SYT17: variants seen among roughly 807,000 people sequenced by gnomAD.
SYT17 encodes the protein synaptotagmin-17.
SYT17 carries 22 observed loss-of-function variants against 46.7 expected under a neutral mutation model. The observed-to-expected ratio is 0.47, with a 90% CI of 0.34 to 0.67. The LOEUF is 0.67. Ranked by LOEUF, SYT17 falls within the 30% of genes least tolerant of loss-of-function variation. SYT17 has a pLI of 0.01. For synonymous variants in SYT17, 251 were observed against 248.4 expected, an observed-to-expected ratio of 1.01 and a Z score of -0.10; for missense variants, 519 against 612.8, an observed-to-expected ratio of 0.85 and a Z score of 1.62.
chr16:19,203,596 G>A (rs1965552339), intron 5 of SYT17, among the ~76,000 whole-genome samples: 1 of 152,224 alleles, frequency 6.6e-6, no homozygotes, highest in Non-Finnish European at 1.5e-5. Flanking sequence ...TTGGATCTTG[G>A]GGATAAAGTG....
At chr16:19,235,434 A>G (rs946041946) in intron 7 of SYT17, among the ~76,000 whole-genome samples, 1 of 152,232 alleles carries the variant, frequency 6.6e-6, no homozygotes, top group Non-Finnish European at 1.5e-5. Context: ...TGTAGCCTGA[A>G]CTTTTCCATG....
intron 7 of SYT17, among the ~76,000 whole-genome samples, chr16:19,255,835 T>C (rs992444861): frequency 1.3e-5 from 2 of 152,156 alleles, no homozygotes; most frequent in Non-Finnish European, 2.9e-5. Flanking sequence ...CAAAGAGGGC[T>C]TCTACCTTGG....
Position 19,222,097 on chromosome 16 carries a change from A to C in SYT17, c.952-948A>C, listed in dbSNP as rs552208888. ...TAATGTCCTCATCAGTTAAAGATGC[A>C]TTCTGAAGGATATGCAGGTACAATG... On this transcript the variant is annotated intron_variant, in intron 5 of 7. Coordinates refer to ENST00000355377, the MANE Select transcript of SYT17 (RefSeq NM_016524.4). 4.6e-5 allele frequency among the ~76,000 whole-genome samples: 7 copies of C among 152,336 alleles called. No homozygotes were observed. In the East Asian group the frequency reaches 1.3e-3, roughly 29 times the overall value.
chr16:19,259,123 G>A (rs1022914154), intron 7 of SYT17, among the ~76,000 whole-genome samples: 7 of 152,180 alleles, frequency 4.6e-5, no homozygotes, highest in African/African-American at 1.4e-4. Flanking sequence ...GGACTTCTGG[G>A]TACTTGCCTG....
chr16:19,197,247 A>G (rs9932538), intron 5 of SYT17, among the ~76,000 whole-genome samples: 24,753 of 152,226 alleles, frequency 0.16, 2,140 homozygotes, highest in African/African-American at 0.2. Context: ...GGCCCAGGCC[A>G]GCGTCTTACA....
intron 7 of SYT17, among the ~76,000 whole-genome samples, chr16:19,250,739 CTT>C (rs1219990908): frequency 6.6e-6 from 1 of 151,780 alleles, no homozygotes; most frequent in Non-Finnish European, 1.5e-5. Flanking sequence ...TTTAAGGTGA[CTT>C]TTTATTGAAG....
At chr16:19,224,071 A>T (rs987025462) in intron 6 of SYT17, among the ~76,000 whole-genome samples, 3 of 152,258 alleles carry the variant, frequency 2.0e-5, no homozygotes. Flanking sequence ...GATAATGTAC[A>T]TGAATCCCTT....
intron 7 of SYT17, among the ~76,000 whole-genome samples, chr16:19,257,172 G>T (rs569907720): frequency 2.6e-5 from 4 of 152,214 alleles, no homozygotes; most frequent in African/African-American, 9.6e-5. Context: ...CATTATGACT[G>T]TTGGAAGGAA....
intron 5 of SYT17, among the ~76,000 whole-genome samples, chr16:19,208,851 C>T (rs193264896): frequency 9.9e-4 from 135 of 136,924 alleles, no homozygotes; most frequent in African/African-American, 3.6e-3. Flanking sequence ...CCAGTATAAC[C>T]TTATCTTATT....
In SYT17 at chr16:19,214,938, A is replaced by C. The variant is rs528318784; in HGVS notation, c.952-8107A>C. 2.8e-3 allele frequency among the ~76,000 whole-genome samples: 429 copies of C among 151,954 alleles called. 2 individuals carry two copies. The highest frequency in any genetic ancestry group is 9.8e-3 in the African/African-American group (407 of 41,462). On this transcript the variant is annotated intron_variant, in intron 5 of 7. Coordinates refer to ENST00000355377, the MANE Select transcript of SYT17 (RefSeq NM_016524.4). ...TGAGCAACTGGGATTGCAGGCGCCC[A>C]CCCCACACACAGCTACTTTTTGTAT...
intron 7 of SYT17, among the ~76,000 whole-genome samples, chr16:19,252,198 T>G (rs1489750032): frequency 1.3e-5 from 2 of 150,954 alleles, no homozygotes; most frequent in Non-Finnish European, 2.9e-5. Flanking sequence ...TTGAGACGTC[T>G]TTTTGAAATG....
At chr16:19,244,675 T>G (rs1245575143) in intron 7 of SYT17, among the ~76,000 whole-genome samples, 1 of 152,112 alleles carries the variant, frequency 6.6e-6, no homozygotes, top group Non-Finnish European at 1.5e-5. Context: ...CCTTCGAGGA[T>G]CCTGTCATGA....
At chr16:19,213,509 G>T (rs1393726007) in intron 5 of SYT17, among the ~76,000 whole-genome samples, 2 of 152,174 alleles carry the variant, frequency 1.3e-5, no homozygotes, top group Non-Finnish European at 1.5e-5. Flanking sequence ...GAGCAAGGAA[G>T]TTTGGCCTTA....
chr16:19,263,640 C>CAAAAAAAAAAAAAAAAAAA (rs1157288423), intron 7 of SYT17, among the ~76,000 whole-genome samples: 2 of 39,260 alleles, frequency 5.1e-5, no homozygotes, highest in Non-Finnish European at 1.2e-4. Context: ...AATTACAACT[C>CAAAAAAAAAAAAAAAAAAA]AAAAAAAAAA....
At chr16:19,204,412 G>C (rs140364396) in intron 5 of SYT17, among the ~76,000 whole-genome samples, 2 of 152,066 alleles carry the variant, frequency 1.3e-5, no homozygotes, top group Non-Finnish European at 1.5e-5. Flanking sequence ...AGTTGGAAAC[G>C]ACACGAGGGC....
chr16:19,172,715 C>G, intron 1 of SYT17, 45 bp from the exon 2 acceptor site: 1 of 1,608,750 alleles, frequency 6.2e-7, no homozygotes, highest in Non-Finnish European at 8.5e-7. Flanking sequence ...TTAACCCCTT[C>G]GTTCCCTTAC....
rs1966167471 is a variant in SYT17, at chr16:19,218,186, G to A, written c.952-4859G>A. Among the ~76,000 whole-genome samples, 10 of 152,186 alleles carry A rather than the reference G, an allele frequency of 6.6e-5. 1 individual carries two copies. The highest frequency in any genetic ancestry group is 6.5e-4 in the Admixed American group (10 of 15,276). ...TATGGTGATTTCTCCATAAAGGTTTGCTGTAACAATCATAATCGTGACATC... is the reference window on the plus strand; with the variant it reads ...TATGGTGATTTCTCCATAAAGGTTTACTGTAACAATCATAATCGTGACATC... On this transcript the variant is annotated intron_variant, in intron 5 of 7. Coordinates refer to ENST00000355377, the MANE Select transcript of SYT17 (RefSeq NM_016524.4).
chr16:19,181,339 ATC>A (rs1964548601), intron 4 of SYT17, among the ~76,000 whole-genome samples: 1 of 152,204 alleles, frequency 6.6e-6, no homozygotes, highest in Admixed American at 6.5e-5. Context: ...CCACAAAAGT[ATC>A]TCTGCTCTGT....
At chr16:19,174,787 T>C (rs118132094) in intron 3 of SYT17, among the ~76,000 whole-genome samples, 1 of 137,430 alleles carries the variant, frequency 7.3e-6, no homozygotes, top group African/African-American at 2.5e-5. Context: ...GGAAAAGTAG[T>C]TAGGAATGCT....
Sources: allele counts gnomAD v4.1 joint callset (sites outside exome capture counted in the v4.1 genomes callset), GRCh38; gene constraint gnomAD v4.1.1; transcripts MANE v1.5; gene names NCBI Gene and HGNC (gene_info 2026-07-23, HGNC 2026-07-21).